The following WWOX variants were observed in gnomAD, a reference collection of about 807,000 sequenced individuals.
WWOX encodes WW domain containing oxidoreductase, also known as WW domain-containing oxidoreductase.
WWOX carries 69 observed loss-of-function variants against 46.2 expected under a neutral mutation model. The observed-to-expected ratio is 1.49, with a 90% CI of 1.23 to 1.82. The LOEUF is 1.82. Among genes scored for constraint, WWOX ranks in the 40% most tolerant of loss-of-function variants. WWOX has a pLI of 0.00. For missense variants in WWOX, 919 were observed against 542.6 expected (o/e 1.69, Z -6.89); for synonymous variants, 359 against 202.6 (o/e 1.77, Z -6.56).
intron 8 of WWOX, among the ~76,000 whole-genome samples, chr16:78,616,601 C>G (rs1353221675): frequency 6.6e-6 from 1 of 151,724 alleles, no homozygotes. Context: ...GAAACCCTGT[C>G]TCTACTAAAA....
At chr16:78,355,282 T>C (rs11866512) in intron 5 of WWOX, among the ~76,000 whole-genome samples, 5,215 of 152,144 alleles carry the variant, frequency 0.034, 303 homozygotes, top group African/African-American at 0.12. Context: ...TGTATACATA[T>C]ACGTATATGT....
At chr16:78,537,022 T>C (rs933582352) in intron 8 of WWOX, among the ~76,000 whole-genome samples, 2 of 150,556 alleles carry the variant, frequency 1.3e-5, no homozygotes, top group African/African-American at 4.9e-5. Context: ...GTTCAAGCAA[T>C]TATCAGGCCT....
intron 5 of WWOX, among the ~76,000 whole-genome samples, chr16:78,211,885 C>A (rs2036570476): frequency 1.3e-5 from 2 of 152,176 alleles, no homozygotes; most frequent in South Asian, 2.1e-4. Context: ...AATCCAGGCT[C>A]TGTCATTAAC....
intron 8 of WWOX, chr16:78,873,259 T>A (rs1393027954): frequency 6.6e-6 from 1 of 152,240 alleles, no homozygotes; most frequent in Non-Finnish European, 1.5e-5. Flanking sequence ...TTGTTTTAGA[T>A]AGAGGTTTGA....
At chr16:78,136,754 C>T (rs949158747) in intron 4 of WWOX, among the ~76,000 whole-genome samples, 1 of 152,192 alleles carries the variant, frequency 6.6e-6, no homozygotes, top group African/African-American at 2.4e-5. Flanking sequence ...AGTAAGACCA[C>T]CCATTAGGCA....
intron 8 of WWOX, among the ~76,000 whole-genome samples, chr16:78,822,986 T>A (rs2051545965): frequency 1.3e-5 from 2 of 152,188 alleles, no homozygotes; most frequent in African/African-American, 2.4e-5. Flanking sequence ...GTTTGTAAAT[T>A]TGTGAATAAA....
At chr16:78,474,409 T>C (rs1160073019) in intron 8 of WWOX, among the ~76,000 whole-genome samples, 1 of 152,234 alleles carries the variant, frequency 6.6e-6, no homozygotes, top group African/African-American at 2.4e-5. Flanking sequence ...AGATATTTTG[T>C]AGTGATGAAG....
intron 8 of WWOX, among the ~76,000 whole-genome samples, chr16:79,187,876 A>G (rs908877781): frequency 4.6e-5 from 7 of 152,198 alleles, no homozygotes; most frequent in African/African-American, 1.2e-4. Flanking sequence ...AGAGAAAGAA[A>G]GAATTATGAA....
chr16:78,716,064 A>AG (rs777082780), intron 8 of WWOX, among the ~76,000 whole-genome samples: 1 of 151,098 alleles, frequency 6.6e-6, no homozygotes, highest in East Asian at 1.9e-4. Context: ...TCTAAAGGAA[A>AG]GGGGAAAAAA....
intron 5 of WWOX, among the ~76,000 whole-genome samples, chr16:78,198,809 C>T (rs960749867): frequency 4.6e-5 from 7 of 152,138 alleles, no homozygotes; most frequent in Non-Finnish European, 7.3e-5. Flanking sequence ...TATGCATTCA[C>T]ACACATGCAT....
At chr16:78,505,242 G>T (rs2085165428) in intron 8 of WWOX, among the ~76,000 whole-genome samples, 1 of 152,132 alleles carries the variant, frequency 6.6e-6, no homozygotes, top group Non-Finnish European at 1.5e-5. Context: ...TGCCTGGAGT[G>T]AGAAAACAGA....
chr16:78,629,994 T>C (rs2046390945), intron 8 of WWOX, among the ~76,000 whole-genome samples: 1 of 152,208 alleles, frequency 6.6e-6, no homozygotes, highest in Non-Finnish European at 1.5e-5. Flanking sequence ...CCCACTTCTC[T>C]TCCCTGCCTT....
At chr16:78,610,731 T>G (rs923220874) in intron 8 of WWOX, among the ~76,000 whole-genome samples, 17 of 152,116 alleles carry the variant, frequency 1.1e-4, no homozygotes, top group Middle Eastern at 3.2e-3. Context: ...TAGGGATGTA[T>G]CATAATCAAA....
At chr16:78,895,418 A>ACAT (rs1253889193) in intron 8 of WWOX, 1 of 152,226 alleles carries the variant, frequency 6.6e-6, no homozygotes, top group Non-Finnish European at 1.5e-5. Context: ...TGGGGTCAAA[A>ACAT]CATCATGCTT....
At chr16:78,926,423 G>C (rs2045499962) in intron 8 of WWOX, among the ~76,000 whole-genome samples, 1 of 151,410 alleles carries the variant, frequency 6.6e-6, no homozygotes, top group Non-Finnish European at 1.5e-5. Context: ...CATGCAATTT[G>C]AATGTAACTG....
intron 8 of WWOX, among the ~76,000 whole-genome samples, chr16:79,010,565 T>C (rs2047283571): frequency 6.6e-6 from 1 of 151,964 alleles, no homozygotes; most frequent in African/African-American, 2.4e-5. Flanking sequence ...AAACAGACAA[T>C]TCATGAAATA....
intron 4 of WWOX, among the ~76,000 whole-genome samples, chr16:78,131,117 C>A (rs1162248308): frequency 6.6e-6 from 1 of 152,182 alleles, no homozygotes; most frequent in East Asian, 1.9e-4. Context: ...TCTTATGGGA[C>A]CGCCGTTGTA....
At chr16:78,824,122 A>C (rs1218681597) in intron 8 of WWOX, among the ~76,000 whole-genome samples, 1 of 152,156 alleles carries the variant, frequency 6.6e-6, no homozygotes, top group Non-Finnish European at 1.5e-5. Context: ...TGAAACCTTG[A>C]AATAAAGTTT....
At chr16:78,764,438 A>C (rs1204333826) in intron 8 of WWOX, among the ~76,000 whole-genome samples, 1 of 150,602 alleles carries the variant, frequency 6.6e-6, no homozygotes, top group Non-Finnish European at 1.5e-5. Context: ...TATGGTAGGG[A>C]GGTGCTTCTT....
Sources: allele counts gnomAD v4.1 joint callset (sites outside exome capture counted in the v4.1 genomes callset), GRCh38; gene constraint gnomAD v4.1.1; transcripts MANE v1.5; gene names NCBI Gene and HGNC (gene_info 2026-07-23, HGNC 2026-07-21).